The following CD109 variants were observed in gnomAD, a reference collection of about 807,000 sequenced individuals.
CD109 encodes the protein CD109 molecule.
A neutral mutation model predicts 165.8 loss-of-function variants in CD109; 149 were observed. The ratio of observed to expected loss-of-function variants is 0.90; its 90% CI spans 0.79 to 1.03. CD109 has a LOEUF of 1.03. Among genes scored for constraint, CD109 ranks in the 50% least tolerant of loss-of-function variants. The probability of loss-of-function intolerance (pLI) is 0.00; values close to 1 mark genes in which losing one functional copy is unlikely to be tolerated. For synonymous variants in CD109, 585 were observed against 592.1 expected (o/e 0.99, Z 0.18); for missense variants, 1,712 against 1,677.8 (o/e 1.02, Z -0.36).
the CD109 span, among the ~76,000 whole-genome samples, chr6:73,683,675 G>A: frequency 1.2e-4 from 19 of 152,148 alleles, no homozygotes; most frequent in Non-Finnish European, 2.1e-4. Flanking sequence ...AGACATACCC[G>A]AGACTGGGCA....
At chr6:73,789,416 GTTT>G (rs75457567) in intron 22 of CD109, among the ~76,000 whole-genome samples, 1 of 151,066 alleles carries the variant, frequency 6.6e-6, no homozygotes, top group Non-Finnish European at 1.5e-5. Context: ...ATACTTAACT[GTTT>G]TTTTTTGTGG....
chr6:73,758,239 C>G (rs995572546), intron 6 of CD109, among the ~76,000 whole-genome samples: 5 of 151,380 alleles, frequency 3.3e-5, no homozygotes, highest in Non-Finnish European at 5.9e-5. Flanking sequence ...TGGTGAGGTG[C>G]CTTGTTATGA....
intron 30 of CD109, among the ~76,000 whole-genome samples, chr6:73,817,753 A>T (rs1387634190): frequency 3.3e-5 from 5 of 152,200 alleles, no homozygotes; most frequent in Non-Finnish European, 4.4e-5. Context: ...TTTGATGCTC[A>T]CATCACGTAC....
the CD109 span, among the ~76,000 whole-genome samples, chr6:73,689,678 C>T: frequency 6.7e-6 from 1 of 150,098 alleles, no homozygotes; most frequent in African/African-American, 2.5e-5. Context: ...TGCTTTAATT[C>T]TTCATCCCTC....
chr6:73,793,280 C>A (rs2150271397), intron 23 of CD109, among the ~76,000 whole-genome samples: 1 of 152,266 alleles, frequency 6.6e-6, no homozygotes. Flanking sequence ...CTTCTCAGTG[C>A]ATTTAAAATG....
At chr6:73,703,521 A>G (rs964309513) in intron 2 of CD109, among the ~76,000 whole-genome samples, 3 of 152,218 alleles carry the variant, frequency 2.0e-5, no homozygotes, top group Non-Finnish European at 4.4e-5. Context: ...GCAGAGCTGG[A>G]AACAGATTGC....
chr6:73,712,978 G>A (rs1771593400), intron 2 of CD109, among the ~76,000 whole-genome samples: 1 of 152,126 alleles, frequency 6.6e-6, no homozygotes, highest in African/African-American at 2.4e-5. Flanking sequence ...CTCGCCAAAA[G>A]GGAGAAAAAT....
At chr6:73,807,137 C>A in intron 25 of CD109, 65 bp downstream of exon 25, 3 of 1,155,172 alleles carry the variant, frequency 2.6e-6, no homozygotes, top group South Asian at 2.6e-5. Flanking sequence ...CTTAATGGGT[C>A]AAATATGTGT....
Position 73,808,205 on chromosome 6 carries a change from G to A in CD109, c.3312G>A (p.Ala1104=), listed in dbSNP as rs150273550. Residue 1104 remains alanine (A), a synonymous_variant, in exon 26 of 33, where the codon GCG becomes GCA. Coordinates refer to ENST00000287097, the MANE Select transcript of CD109 (RefSeq NM_133493.5). The part of the protein sequence containing the change: ...YALSSVGSPK[A]KEALNMLTWR... ...TGTCATCAGTGGGGAGTCCTAAAGC[G>A]AAGGAAGCTTTGAATATGCTGACTT... is the stretch of plus-strand genomic sequence containing the variant. 3.5e-4 allele frequency: 572 copies of A among 1,613,458 alleles called. 1 individual carries two copies. Among genetic ancestry groups the A allele is most frequent in the Middle Eastern group, 3.3e-4 (2 of 6,056 alleles).
chr6:73,723,240 T>C lies in CD109; in HGVS notation c.248-11T>C, dbSNP rs760280946. The C allele has an allele frequency of 1.6e-5, 26 of 1,612,496 alleles. No individual in the cohort carries two copies. Among genetic ancestry groups the C allele is most frequent in the Non-Finnish European group, 2.0e-5 (24 of 1,179,648 alleles). On this transcript the variant is annotated splice_polypyrimidine_tract_variant and intron_variant, in intron 2 of 32. Transcript: ENST00000287097. ...GTGCTAACTCTGTTTTCTTTCCTGT[T>C]TTCCTTGTAGGCTCTTTTAAGACAC...
intron 5 of CD109, among the ~76,000 whole-genome samples, chr6:73,746,598 T>G (rs1772992241): frequency 6.6e-6 from 1 of 152,194 alleles, no homozygotes; most frequent in South Asian, 2.1e-4. Context: ...GTACTTTTTT[T>G]TTTTCAACAC....
Position 73,807,035 on chromosome 6 carries a change from A to T in CD109, c.3152A>T (p.Tyr1051Phe), listed in dbSNP as rs201386395. ...GNKSPVTLTA[Y>F]IVTSLLGYRK... ...AAAAGTCCAGTAACACTTACAGCCT[A>T]TATTGTAACTTCTCTCCTGGGATAT... is the stretch of plus-strand genomic sequence containing the variant. The change falls in exon 25 of 33, where the codon TAT becomes TTT. Residue 1051 changes from tyrosine to phenylalanine, a missense_variant. Tyr to Phe is a conservative substitution (Grantham distance 22). Coordinates refer to ENST00000287097, the MANE Select transcript of CD109 (RefSeq NM_133493.5). 7.5e-5 allele frequency: 121 copies of T among 1,613,516 alleles called. No homozygotes were observed. Among genetic ancestry groups the T allele is most frequent in the Non-Finnish European group, 4.5e-5 (53 of 1,179,640 alleles).
upstream of CD109, among the ~76,000 whole-genome samples, chr6:73,690,803 ATTATAT>A (rs1770679435): frequency 6.6e-6 from 1 of 152,360 alleles, no homozygotes; most frequent in South Asian, 2.1e-4. Context: ...ACAAAGTTGT[ATTATAT>A]TTATAACATA....
chr6:73,763,215 C>G (rs756195399), intron 9 of CD109, among the ~76,000 whole-genome samples: 2 of 152,140 alleles, frequency 1.3e-5, no homozygotes, highest in Non-Finnish European at 2.9e-5. Context: ...TCAGCTGTTC[C>G]TAGACAGTTT....
intron 23 of CD109, among the ~76,000 whole-genome samples, chr6:73,797,118 G>A (rs1184202398): frequency 1.3e-5 from 2 of 151,818 alleles, no homozygotes; most frequent in Non-Finnish European, 2.9e-5. Context: ...TGTCATTTAT[G>A]AACAGCGCAT....
intron 4 of CD109, among the ~76,000 whole-genome samples, chr6:73,733,507 A>G (rs1443338452): frequency 2.6e-5 from 4 of 152,136 alleles, no homozygotes; most frequent in African/African-American, 9.7e-5. Context: ...AACATAACCT[A>G]TGTCTCCCAC....
At chr6:73,703,132 A>G (rs1771141564) in intron 2 of CD109, among the ~76,000 whole-genome samples, 1 of 152,230 alleles carries the variant, frequency 6.6e-6, no homozygotes. Context: ...CCCAGTTAGT[A>G]AATGGTGAAG....
chr6:73,756,402 A>C (rs9350505), intron 5 of CD109, among the ~76,000 whole-genome samples: 5,883 of 152,274 alleles, frequency 0.039, 457 homozygotes, highest in East Asian at 0.3. Flanking sequence ...AATTATAGAG[A>C]TAGGTCACCA....
chr6:73,813,255 A>T (rs777693759), intron 29 of CD109, among the ~76,000 whole-genome samples: 6 of 152,158 alleles, frequency 3.9e-5, no homozygotes, highest in African/African-American at 1.4e-4. Flanking sequence ...CCATGGGAAA[A>T]TTCTCATTCT....
Sources: allele counts gnomAD v4.1 joint callset (sites outside exome capture counted in the v4.1 genomes callset), GRCh38; gene constraint gnomAD v4.1.1; transcripts MANE v1.5; gene names NCBI Gene and HGNC (gene_info 2026-07-23, HGNC 2026-07-21).